CSMD1: variants seen among roughly 807,000 people sequenced by gnomAD.
CSMD1 encodes the protein CUB and sushi domain-containing protein 1.
CSMD1 carries 213 observed loss-of-function variants against 417.5 expected under a neutral mutation model. The ratio of observed to expected loss-of-function variants is 0.51; its 90% CI spans 0.46 to 0.57. CSMD1 has a LOEUF of 0.57. Among genes scored for constraint, CSMD1 ranks in the 20% least tolerant of loss-of-function variants. CSMD1 has a pLI of 0.00. For missense variants in CSMD1, 6,923 were observed against 4,529.7 expected (o/e 1.53, Z -15.17); for synonymous variants, 2,862 against 1,736.8 (o/e 1.65, Z -16.11).
At chr8:3,084,182 G>C (rs186707770) in intron 49 of CSMD1, among the ~76,000 whole-genome samples, 1 of 152,240 alleles carries the variant, frequency 6.6e-6, no homozygotes, top group Admixed American at 6.5e-5. Context: ...GTCATATGAG[G>C]CCAAAGTGTT....
intron 5 of CSMD1, among the ~76,000 whole-genome samples, chr8:3,836,009 C>T (rs1489099252): frequency 6.6e-6 from 1 of 152,026 alleles, no homozygotes; most frequent in Non-Finnish European, 1.5e-5. Flanking sequence ...ATCATTTCTA[C>T]TGTCCTCATT....
intron 4 of CSMD1, among the ~76,000 whole-genome samples, chr8:4,011,244 C>T (rs758050527): frequency 4.7e-4 from 72 of 152,280 alleles, no homozygotes; most frequent in Non-Finnish European, 7.8e-4. Flanking sequence ...TTTTAAGCCA[C>T]GACTTTACCA....
At chr8:3,783,148 A>G (rs953476054) in intron 5 of CSMD1, among the ~76,000 whole-genome samples, 7 of 152,172 alleles carry the variant, frequency 4.6e-5, no homozygotes, top group Admixed American at 4.6e-4. Flanking sequence ...ATTATTTTTG[A>G]CAACTTAAGT....
chr8:4,242,451 G>A (rs1220485836), intron 3 of CSMD1, among the ~76,000 whole-genome samples: 1 of 152,146 alleles, frequency 6.6e-6, no homozygotes, highest in Non-Finnish European at 1.5e-5. Context: ...GCTATAATAG[G>A]ACTATTGTTG....
At chr8:3,548,333 G>A (rs533523079) in intron 10 of CSMD1, among the ~76,000 whole-genome samples, 77 of 152,186 alleles carry the variant, frequency 5.1e-4, no homozygotes, top group African/African-American at 1.7e-3. Flanking sequence ...GGGAACAGGT[G>A]GTATTTGGTT....
At chr8:4,338,458 T>G (rs946676906) in intron 3 of CSMD1, among the ~76,000 whole-genome samples, 1 of 152,146 alleles carries the variant, frequency 6.6e-6, no homozygotes, top group Non-Finnish European at 1.5e-5. Flanking sequence ...CCTGGACGTT[T>G]ACACCTGGTT....
chr8:4,359,173 A>C (rs1801610684), intron 3 of CSMD1, among the ~76,000 whole-genome samples: 1 of 152,172 alleles, frequency 6.6e-6, no homozygotes, highest in African/African-American at 2.4e-5. Flanking sequence ...TTACTTGGTT[A>C]TCAGCAATTT....
chr8:3,791,795 C>A (rs376414229), intron 5 of CSMD1, among the ~76,000 whole-genome samples: 1 of 151,918 alleles, frequency 6.6e-6, no homozygotes, highest in South Asian at 2.1e-4. Context: ...TGCACTCCAG[C>A]CTGGGTGACA....
intron 1 of CSMD1, among the ~76,000 whole-genome samples, chr8:4,748,172 A>G (rs376064080): frequency 6.6e-6 from 1 of 152,184 alleles, no homozygotes; most frequent in Non-Finnish European, 1.5e-5. Flanking sequence ...TTTCTACTCC[A>G]TCACCTTGGC....
At chr8:3,218,966 A>G (rs1468726594) in intron 29 of CSMD1, among the ~76,000 whole-genome samples, 2 of 152,226 alleles carry the variant, frequency 1.3e-5, no homozygotes, top group African/African-American at 2.4e-5. Flanking sequence ...TCTTAAAATA[A>G]TTATTAAATG....
At chr8:4,390,728 T>A (rs1023957119) in intron 3 of CSMD1, among the ~76,000 whole-genome samples, 3 of 151,830 alleles carry the variant, frequency 2.0e-5, no homozygotes, top group African/African-American at 7.3e-5. Context: ...TTAGCCAGGA[T>A]GGTCTCGATC....
In CSMD1 at chr8:3,015,167, T is replaced by C. The variant is rs144866904; in HGVS notation, c.8029+3310A>G. ...GTTTCAAGAATGAATTTGGTTCTTG[T>C]TTCAAGCATAACTGAGGCAGCTCTC... is the stretch of plus-strand genomic sequence containing the variant. On this transcript the variant is annotated intron_variant, in intron 52 of 69. Transcript: ENST00000635120. Among the ~76,000 whole-genome samples the C allele has an allele frequency of 4.4e-3, 668 of 152,174 alleles. 3 individuals are homozygous for C. Among genetic ancestry groups the C allele is most frequent in the African/African-American group, 0.015 (641 of 41,526 alleles).
chr8:4,270,263 A>T (rs892217917), intron 3 of CSMD1, among the ~76,000 whole-genome samples: 1 of 152,110 alleles, frequency 6.6e-6, no homozygotes, highest in Non-Finnish European at 1.5e-5. Flanking sequence ...AATAGTTCTC[A>T]TTTTTAATTA....
intron 5 of CSMD1, among the ~76,000 whole-genome samples, chr8:3,885,281 T>A (rs1029092150): frequency 2.0e-5 from 3 of 152,036 alleles, no homozygotes; most frequent in Non-Finnish European, 2.9e-5. Context: ...CAGGTGTGAG[T>A]TATAGAATCA....
At chr8:4,619,632 C>A (rs1384871079) in intron 2 of CSMD1, among the ~76,000 whole-genome samples, 1 of 152,142 alleles carries the variant, frequency 6.6e-6, no homozygotes, top group Non-Finnish European at 1.5e-5. Flanking sequence ...ACTCTGTACT[C>A]TAGCCACATG....
chr8:3,765,651 A>G (rs1249372497), intron 5 of CSMD1, among the ~76,000 whole-genome samples: 2 of 152,236 alleles, frequency 1.3e-5, no homozygotes, highest in African/African-American at 2.4e-5. Context: ...ATGATAAAGC[A>G]TTAAGAACAG....
chr8:4,264,415 T>C (rs1457937224), intron 3 of CSMD1, among the ~76,000 whole-genome samples: 1 of 152,194 alleles, frequency 6.6e-6, no homozygotes, highest in Non-Finnish European at 1.5e-5. Flanking sequence ...TGCACATGTA[T>C]CTAAGGATCT....
At chr8:4,238,321 G>A (rs1172161439) in intron 3 of CSMD1, among the ~76,000 whole-genome samples, 3 of 152,170 alleles carry the variant, frequency 2.0e-5, no homozygotes, top group African/African-American at 7.2e-5. Context: ...GTCCTCCTCA[G>A]CATGTGCGCG....
chr8:4,531,590 T>C (rs917640276), intron 2 of CSMD1, among the ~76,000 whole-genome samples: 1 of 152,092 alleles, frequency 6.6e-6, no homozygotes, highest in Non-Finnish European at 1.5e-5. Context: ...CCTGTATAAG[T>C]GTAAGATGCG....
Sources: gnomAD v4.1 joint callset for allele counts (sites outside exome capture counted in the v4.1 genomes callset) on GRCh38, gnomAD v4.1.1 for gene constraint, MANE v1.5 for transcripts, NCBI Gene and HGNC (gene_info 2026-07-23, HGNC 2026-07-21) for gene names.